Variants in COL19A1 observed in about 807,000 individuals in gnomAD.
The protein encoded by COL19A1 is collagen alpha-1(XIX) chain.
Under a neutral mutation model 190.2 loss-of-function variants are expected in COL19A1, and 159 were observed. The ratio of observed to expected loss-of-function variants is 0.84; its 90% CI spans 0.73 to 0.95. COL19A1 has a LOEUF of 0.95. COL19A1 is among the 40% of genes least tolerant of loss of function. The pLI is 0.00. For missense variants in COL19A1, 1,418 were observed against 1,431.9 expected, an observed-to-expected ratio of 0.99 and a Z score of 0.16; for synonymous variants, 509 against 458.9, an observed-to-expected ratio of 1.11 and a Z score of -1.39.
intron 20 of COL19A1, 64 bp downstream of exon 20, chr6:70,141,053 T>C: frequency 6.9e-7 from 1 of 1,450,790 alleles, no homozygotes; most frequent in Non-Finnish European, 9.6e-7. Flanking sequence ...TCTCTGATTT[T>C]CTGGTATGTT....
intron 46 of COL19A1, among the ~76,000 whole-genome samples, chr6:70,185,497 A>ATGGAAAGT (rs1421278055): frequency 6.6e-6 from 1 of 152,240 alleles, no homozygotes; most frequent in African/African-American, 2.4e-5. Context: ...GGTTAGAGAA[A>ATGGAAAGT]TGGAAAGTGT....
Position 70,130,122 on chromosome 6 carries a change from T to C in COL19A1, c.1342-60T>C, listed in dbSNP as rs1785432536. 1.5e-5 allele frequency: 24 copies of C among 1,575,402 alleles called. 1 individual carries two copies. The Admixed American group carries it at 2.4e-4, about 16-fold the overall frequency. On this transcript the variant is annotated intron_variant, in intron 17 of 50. Coordinates refer to ENST00000620364, the MANE Select transcript of COL19A1 (RefSeq NM_001858.6). ...TCTGACTGCTTATACTGTTACAGAT[T>C]GAATGTGTTAAAAATTAGCGGATTT...
chr6:70,064,021 G>A (rs774863452), intron 14 of COL19A1, among the ~76,000 whole-genome samples: 2 of 152,088 alleles, frequency 1.3e-5, no homozygotes, highest in Non-Finnish European at 1.5e-5. Flanking sequence ...GGACCAGATG[G>A]ATTCACAGCC....
At chr6:69,879,515 A>ATTTT in intron 1 of COL19A1, 21 bp from the exon 2 acceptor site, 1 of 1,171,600 alleles carries the variant, frequency 8.5e-7, no homozygotes, top group Non-Finnish European at 1.2e-6. Flanking sequence ...CTTTATTCAA[A>ATTTT]TTTTTTTTTT....
intron 9 of COL19A1, among the ~76,000 whole-genome samples, chr6:69,958,158 G>A (rs1274161716): frequency 6.6e-6 from 1 of 152,118 alleles, no homozygotes; most frequent in Non-Finnish European, 1.5e-5. Flanking sequence ...CTAGGACTTT[G>A]GGTGCCAGTA....
chr6:70,081,312 T>C (rs1359948953), intron 15 of COL19A1, among the ~76,000 whole-genome samples: 2 of 152,192 alleles, frequency 1.3e-5, no homozygotes, highest in African/African-American at 2.4e-5. Context: ...TAATTACCTA[T>C]AATGGGCTTT....
At position 69,894,504 on chromosome 6, in the gene COL19A1, A is replaced by G. The variant is rs6455349; in HGVS notation, c.92-4444A>G. On this transcript the variant is annotated intron_variant, in intron 2 of 50. Transcript: ENST00000620364. ...AAAGTCATGTGAACTAAAAGGTACTACAGATTTTATATTCCCTTTAAAAAA... is the reference window on the plus strand; with the variant it reads ...AAAGTCATGTGAACTAAAAGGTACTGCAGATTTTATATTCCCTTTAAAAAA... Among the ~76,000 whole-genome samples the G allele has an allele frequency of 8.3e-3, 1,271 of 152,354 alleles. 20 individuals are homozygous for G. The highest frequency in any genetic ancestry group is 0.026 in the African/African-American group (1,096 of 41,590).
rs1019390307 is a variant in COL19A1, at chr6:70,097,537, G to A, written c.1225-4632G>A. ...TGTCTCAAAAAAAAAAAAATTCTGC[G>A]AGTGAGGCTCAGCAATCTATTTTAA... On this transcript the variant is annotated intron_variant, in intron 15 of 50. Transcript: ENST00000620364. Among the ~76,000 whole-genome samples the A allele has an allele frequency of 4.6e-5, 7 of 151,788 alleles. No individual in the cohort carries two copies. The South Asian group carries it at 6.3e-4, about 14-fold the overall frequency.
chr6:69,955,260 C>G (rs2150039101), intron 9 of COL19A1, among the ~76,000 whole-genome samples: 1 of 152,160 alleles, frequency 6.6e-6, no homozygotes. Context: ...AATTCTCTAG[C>G]TTTGCTATGT....
chr6:69,968,728 T>C (rs977654948), intron 11 of COL19A1, among the ~76,000 whole-genome samples: 1 of 152,170 alleles, frequency 6.6e-6, no homozygotes, highest in African/African-American at 2.4e-5. Context: ...ACATGAGAAT[T>C]TGAATGAGTG....
At chr6:70,156,021 ATCAC>A in intron 31 of COL19A1, 102 bp from the exon 32 acceptor site, 1 of 822,760 alleles carries the variant, frequency 1.2e-6, no homozygotes, top group Non-Finnish European at 1.9e-6. Flanking sequence ...ACCTATCTAT[ATCAC>A]TCATCTCCAG....
At chr6:70,035,696 A>T (rs143663453) in intron 13 of COL19A1, among the ~76,000 whole-genome samples, 1 of 152,242 alleles carries the variant, frequency 6.6e-6, no homozygotes, top group Non-Finnish European at 1.5e-5. Flanking sequence ...TGCAAAAAGC[A>T]TAGAGTATAC....
At chr6:70,077,936 A>T (rs1425655078) in intron 15 of COL19A1, among the ~76,000 whole-genome samples, 1 of 152,216 alleles carries the variant, frequency 6.6e-6, no homozygotes, top group African/African-American at 2.4e-5. Flanking sequence ...GTTCTGCCAT[A>T]TTGAAGGCCG....
At chr6:70,127,045 G>T (rs529307218) in intron 17 of COL19A1, among the ~76,000 whole-genome samples, 1 of 152,292 alleles carries the variant, frequency 6.6e-6, no homozygotes, top group East Asian at 1.9e-4. Context: ...TGCCAGGGGA[G>T]GCTTTCATGA....
At chr6:69,892,695 C>G (rs918020878) in intron 2 of COL19A1, among the ~76,000 whole-genome samples, 1 of 152,120 alleles carries the variant, frequency 6.6e-6, no homozygotes, top group Non-Finnish European at 1.5e-5. Flanking sequence ...ACTTGGAGCT[C>G]CTAGATCTGT....
At chr6:70,003,340 T>C (rs1292339309) in intron 11 of COL19A1, among the ~76,000 whole-genome samples, 1 of 152,228 alleles carries the variant, frequency 6.6e-6, no homozygotes, top group Admixed American at 6.5e-5. Flanking sequence ...GAAGAAAGTA[T>C]ATTCTGTTGA....
chr6:69,931,276 T>G (rs1365054074), intron 6 of COL19A1, among the ~76,000 whole-genome samples: 1 of 152,154 alleles, frequency 6.6e-6, no homozygotes, highest in Non-Finnish European at 1.5e-5. Context: ...TTGACAAGCA[T>G]CAGTACAGAT....
In COL19A1 at chr6:70,182,906, A is replaced by C. The variant is rs1343510580; in HGVS notation, c.2776-1797A>C. On this transcript the variant is annotated intron_variant, in intron 44 of 50. Transcript: ENST00000620364. ...TCTTAACTAGGAACAGGGGCAGTTC[A>C]CCCTTCCTAACTGTGGAGTGTGGGG... 2.0e-5 allele frequency among the ~76,000 whole-genome samples: 3 copies of C among 152,198 alleles called. No individual in the cohort carries two copies. The South Asian group carries it at 6.2e-4, about 32-fold the overall frequency.
chr6:70,174,008 T>C (rs923949008), intron 41 of COL19A1, among the ~76,000 whole-genome samples: 1 of 152,060 alleles, frequency 6.6e-6, no homozygotes, highest in African/African-American at 2.4e-5. Flanking sequence ...ATAGTTTATC[T>C]ACAGTAAAAG....
Sources: gnomAD v4.1 joint callset for allele counts (sites outside exome capture counted in the v4.1 genomes callset) on GRCh38, gnomAD v4.1.1 for gene constraint, MANE v1.5 for transcripts, NCBI Gene and HGNC (gene_info 2026-07-23, HGNC 2026-07-21) for gene names.